The following NLGN1 variants were observed in gnomAD, a reference collection of about 807,000 sequenced individuals.
NLGN1 encodes the protein neuroligin-1.
NLGN1 carries 12 observed loss-of-function variants against 65.5 expected under a neutral mutation model. The observed-to-expected ratio is 0.18, with a 90% CI of 0.12 to 0.30. The LOEUF (loss-of-function observed/expected upper bound fraction) is 0.30. NLGN1 is among the 10% of genes least tolerant of loss of function. The pLI, the probability that NLGN1 is intolerant of heterozygous loss-of-function variation, is 1.00. For synonymous variants in NLGN1, 350 were observed against 359.5 expected (o/e 0.97, Z 0.30); for missense variants, 750 against 1,007.1 (o/e 0.74, Z 3.46).
chr3:173,946,962 T>C (rs1251830199), intron 4 of NLGN1, among the ~76,000 whole-genome samples: 4 of 152,062 alleles, frequency 2.6e-5, no homozygotes, highest in African/African-American at 9.7e-5. Context: ...ACCCAATTCA[T>C]GTGGACTGGG....
intron 3 of NLGN1, among the ~76,000 whole-genome samples, chr3:173,804,480 G>C (rs1013953669): frequency 6.6e-6 from 1 of 151,946 alleles, no homozygotes; most frequent in Admixed American, 6.6e-5. Context: ...AGCTGCATTT[G>C]ATATATTTGC....
chr3:174,006,285 G>A (rs532364580), intron 4 of NLGN1, among the ~76,000 whole-genome samples: 7 of 152,082 alleles, frequency 4.6e-5, no homozygotes, highest in Admixed American at 3.3e-4. Flanking sequence ...TCACTCTTTT[G>A]TGGCCATCAG....
intron 2 of NLGN1, among the ~76,000 whole-genome samples, chr3:173,578,564 T>A (rs1745906830): frequency 6.6e-6 from 1 of 152,214 alleles, no homozygotes; most frequent in Non-Finnish European, 1.5e-5. Flanking sequence ...CTTTATAGTA[T>A]ATTCTGCTAA....
At chr3:173,849,798 C>T (rs1460081182) in intron 4 of NLGN1, among the ~76,000 whole-genome samples, 1 of 152,098 alleles carries the variant, frequency 6.6e-6, no homozygotes. Flanking sequence ...TCATGTTCCT[C>T]CTGCGATGCA....
At chr3:174,100,079 G>A (rs557252348) in intron 4 of NLGN1, among the ~76,000 whole-genome samples, 1 of 152,030 alleles carries the variant, frequency 6.6e-6, no homozygotes, top group Non-Finnish European at 1.5e-5. Context: ...TTAAATATGG[G>A]GTTTTTGCTC....
At chr3:173,408,183 A>G (rs934319413) in intron 1 of NLGN1, among the ~76,000 whole-genome samples, 3 of 152,150 alleles carry the variant, frequency 2.0e-5, no homozygotes, top group Non-Finnish European at 4.4e-5. Context: ...AAGAAATACT[A>G]GAAACGTTCT....
rs1418595987 is a variant in NLGN1 at position 173,495,494 on chromosome 3, G to A, written c.-321+60416G>A. Among the ~76,000 whole-genome samples the A allele has an allele frequency of 2.6e-5, 4 of 151,212 alleles. No homozygotes were observed. The East Asian group carries it at 7.7e-4, about 29-fold the overall frequency. ...TTATTTCTTTCTCTTATTGCAATGAGTATGGCCTCTAGTAAAACAGTGGGT... is the reference window on the plus strand; with the variant it reads ...TTATTTCTTTCTCTTATTGCAATGAATATGGCCTCTAGTAAAACAGTGGGT... On this transcript the variant is annotated intron_variant, in intron 2 of 6. Coordinates refer to ENST00000457714, the Ensembl canonical transcript of NLGN1.
chr3:173,413,490 C>A (rs774351419), intron 1 of NLGN1, among the ~76,000 whole-genome samples: 9 of 152,098 alleles, frequency 5.9e-5, no homozygotes, highest in Non-Finnish European at 1.3e-4. Flanking sequence ...GTCCCAGCTA[C>A]TTGGGAGGCT....
chr3:174,107,017 C>CACACAGAGAG (rs773314392), intron 4 of NLGN1, among the ~76,000 whole-genome samples: 12 of 97,642 alleles, frequency 1.2e-4, no homozygotes, highest in South Asian at 4.2e-4. Context: ...CACACACACA[C>CACACAGAGAG]AGAGAGAGAG....
rs1297627486 is a variant in NLGN1, at chr3:174,009,582, CTT to C, written c.646+201752_646+201753del. Among the ~76,000 whole-genome samples the C allele has an allele frequency of 2.6e-5, 4 of 152,142 alleles. No homozygotes were observed. The East Asian group carries it at 7.7e-4, about 29-fold the overall frequency. On this transcript the variant is annotated intron_variant, in intron 4 of 6. Transcript: ENST00000457714. ...GGAGCGAGTACATGAATCCTGGTCT[CTT>C]TGACTTCAAAGCTCACATTCTTAAC...
intron 4 of NLGN1, among the ~76,000 whole-genome samples, chr3:173,887,086 G>T (rs995684050): frequency 6.6e-6 from 1 of 151,976 alleles, no homozygotes; most frequent in Non-Finnish European, 1.5e-5. Context: ...ATTAGTTATT[G>T]TAAGGTATAG....
chr3:174,276,950 A>G (rs567657081), intron 5 of NLGN1, among the ~76,000 whole-genome samples: 1 of 152,016 alleles, frequency 6.6e-6, no homozygotes, highest in South Asian at 2.1e-4. Flanking sequence ...TCAAAAATTG[A>G]CGTGAAAGCC....
Position 173,494,744 on chromosome 3 carries a change from C to A in NLGN1, c.-321+59666C>A, listed in dbSNP as rs967189611. Among the ~76,000 whole-genome samples, 5 of 151,680 alleles carry A rather than the reference C, an allele frequency of 3.3e-5. No homozygotes were observed. In the East Asian group the frequency reaches 9.6e-4, roughly 29 times the overall value. On this transcript the variant is annotated intron_variant, in intron 2 of 6. Coordinates refer to ENST00000457714, the Ensembl canonical transcript of NLGN1. ...GGCTGAGAGTTCACTAATTTCCATA[C>A]GAATGTTGTTACTCTAGCACCATTT...
At chr3:174,211,194 C>A (rs1354194193) in intron 4 of NLGN1, among the ~76,000 whole-genome samples, 3 of 152,172 alleles carry the variant, frequency 2.0e-5, no homozygotes, top group Non-Finnish European at 1.5e-5. Flanking sequence ...AGCGAAAGAA[C>A]AAAGCTTCCG....
At chr3:173,398,782 TC>T (rs1385121483) in intron 1 of NLGN1, among the ~76,000 whole-genome samples, 1 of 152,232 alleles carries the variant, frequency 6.6e-6, no homozygotes, top group African/African-American at 2.4e-5. Context: ...GTTAATATAC[TC>T]ATTTTCCCTC....
At chr3:174,259,192 T>C (rs530798496) in intron 4 of NLGN1, among the ~76,000 whole-genome samples, 11 of 152,312 alleles carry the variant, frequency 7.2e-5, no homozygotes, top group Middle Eastern at 3.4e-3. Flanking sequence ...TTGTCATTTT[T>C]ATACATTACC....
intron 3 of NLGN1, among the ~76,000 whole-genome samples, chr3:173,781,010 G>A (rs1229759442): frequency 6.6e-6 from 1 of 151,794 alleles, no homozygotes; most frequent in Non-Finnish European, 1.5e-5. Flanking sequence ...CAGGCGTGGT[G>A]GCGGGCGCCT....
At chr3:173,640,013 C>A (rs1757156294) in intron 3 of NLGN1, among the ~76,000 whole-genome samples, 1 of 151,958 alleles carries the variant, frequency 6.6e-6, no homozygotes, top group African/African-American at 2.4e-5. Context: ...GTCTAAACTG[C>A]AATATTCTAA....
rs74647018 is a variant in NLGN1, at chr3:173,999,978, T to C, written c.646+192146T>C. On this transcript the variant is annotated intron_variant, in intron 4 of 6. Coordinates refer to ENST00000457714, the Ensembl canonical transcript of NLGN1. Reference sequence around the variant, plus strand: ...GAAATAACAAACAGGTTTTTTTTTTTCTGGTATAACTAGATCTTGCAAAGC... The same window carrying C: ...GAAATAACAAACAGGTTTTTTTTTTCCTGGTATAACTAGATCTTGCAAAGC... 2.5e-3 allele frequency among the ~76,000 whole-genome samples: 376 copies of C among 152,188 alleles called. 2 individuals carry two copies. Among genetic ancestry groups the C allele is most frequent in the African/African-American group, 8.6e-3 (358 of 41,532 alleles).
Sources: gnomAD v4.1 joint callset for allele counts (sites outside exome capture counted in the v4.1 genomes callset) on GRCh38, gnomAD v4.1.1 for gene constraint, MANE v1.5 for transcripts, NCBI Gene and HGNC (gene_info 2026-07-23, HGNC 2026-07-21) for gene names.